CEP97: variants seen among roughly 807,000 people sequenced by gnomAD.
The protein encoded by CEP97 is centrosomal protein of 97 kDa.
In CEP97, 43 loss-of-function variants were observed where a neutral mutation model predicts 73.1. The ratio of observed to expected loss-of-function variants is 0.59; its 90% CI spans 0.46 to 0.76. The LOEUF (loss-of-function observed/expected upper bound fraction) is 0.76. Ranked by LOEUF, CEP97 falls within the 30% of genes least tolerant of loss-of-function variation. CEP97 has a pLI of 0.00. For synonymous variants in CEP97, 337 were observed against 370.0 expected (o/e 0.91, Z 1.02); for missense variants, 939 against 1,014.0 (o/e 0.93, Z 1.00).
chr3:101,728,744 G>A (rs1937987402), intron 3 of CEP97, 92 bp from the exon 4 acceptor site: 1 of 793,678 alleles, frequency 1.3e-6, no homozygotes, highest in Non-Finnish European at 2.2e-6. Context: ...ATAAGAGGAG[G>A]GAAGACACTC....
At chr3:101,748,790 G>A (rs1372720808) in intron 6 of CEP97, among the ~76,000 whole-genome samples, 1 of 152,114 alleles carries the variant, frequency 6.6e-6, no homozygotes, top group South Asian at 2.1e-4. Flanking sequence ...ACAGGTGCAT[G>A]CCACCACGCC....
intron 6 of CEP97, among the ~76,000 whole-genome samples, chr3:101,750,779 T>C (rs1183180060): frequency 6.6e-6 from 1 of 152,192 alleles, no homozygotes; most frequent in African/African-American, 2.4e-5. Context: ...CATTTTTTAT[T>C]GTGTCTATTT....
intron 6 of CEP97, among the ~76,000 whole-genome samples, chr3:101,739,047 A>T (rs1419346732): frequency 6.6e-6 from 1 of 152,238 alleles, no homozygotes; most frequent in Admixed American, 6.5e-5. Flanking sequence ...AAACACCTCT[A>T]CACAAATAAA....
intron 10 of CEP97, among the ~76,000 whole-genome samples, chr3:101,762,934 T>G (rs375227756): frequency 6.6e-6 from 1 of 152,174 alleles, no homozygotes; most frequent in South Asian, 2.1e-4. Context: ...GACTACAATA[T>G]GCATGTCCTA....
rs1303492260 is a variant in CEP97 at position 101,758,087 on chromosome 3, T to G, written c.1481T>G (p.Leu494Trp). ...GAGCCAACAATAATCAGTGCTATCT[T>G]GAAGGATGATAACCACAGTCTTACA... ...CPEPTIISAI[L>W]KDDNHSLTFF... Residue 494 changes from leucine to tryptophan, a missense_variant, in exon 9 of 11, where the codon TTG becomes TGG. Leu to Trp is a moderately conservative substitution (Grantham distance 61, BLOSUM62 -2). Coordinates refer to ENST00000341893, the MANE Select transcript of CEP97 (RefSeq NM_024548.4). The G allele has an allele frequency of 6.2e-7, 1 of 1,614,226 alleles. No individual in the cohort carries two copies. Among genetic ancestry groups the G allele is most frequent in the Admixed American group, 1.7e-5 (1 of 60,028 alleles).
chr3:101,746,329 G>T (rs1260889257), intron 6 of CEP97, among the ~76,000 whole-genome samples: 9 of 151,970 alleles, frequency 5.9e-5, no homozygotes, highest in African/African-American at 2.2e-4. Flanking sequence ...CCAAAACAGA[G>T]ATATAGATCA....
At chr3:101,733,382 C>T (rs574677018) in intron 6 of CEP97, among the ~76,000 whole-genome samples, 241 of 152,162 alleles carry the variant, frequency 1.6e-3, no homozygotes, top group Non-Finnish European at 2.4e-3. Flanking sequence ...TCATCCAGCT[C>T]CAAATGCCAT....
Position 101,731,972 on chromosome 3 carries a change from T to C in CEP97, c.561+19T>C. 1.4e-6 allele frequency: 2 copies of C among 1,391,364 alleles called. No homozygotes were observed. The highest frequency in any genetic ancestry group is 2.0e-6 in the Non-Finnish European group (2 of 978,092). 86.2% of individuals were successfully genotyped at this position (1,391,364 alleles called of 1,614,324 possible). ...AAATGAGGTAAAATTTGAGGGTATT[T>C]TGTGAGATTCAGGAAGCTGGAAATC... is the stretch of plus-strand genomic sequence containing the variant. On this transcript the variant is annotated intron_variant, in intron 5 of 10. Coordinates refer to ENST00000341893, the MANE Select transcript of CEP97 (RefSeq NM_024548.4).
chr3:101,762,489 C>A lies in CEP97; in HGVS notation c.1822C>A (p.Arg608=). The change falls in exon 10 of 11, where the codon CGA becomes AGA. Residue 608 remains arginine, a synonymous_variant. Transcript: ENST00000341893. ...ATGTGTTTTGAATTATTGTAGATTA[C>A]GAAAAGAAAGAGATGAAGAACGTAT... ...VCLTDEIRRL[R]KERDEERIKK... 1 of 1,599,896 alleles carries A rather than the reference C, an allele frequency of 6.3e-7. No homozygotes were observed. The highest frequency in any genetic ancestry group is 8.5e-7 in the Non-Finnish European group (1 of 1,170,610).
intron 6 of CEP97, among the ~76,000 whole-genome samples, chr3:101,747,133 A>G (rs6780844): frequency 0.98 from 146,975 of 149,694 alleles, 72,195 homozygotes; most frequent in African/African-American, 0.99. Flanking sequence ...ATTCCTCAGG[A>G]ATCTAGAACT....
At chr3:101,728,738 G>C in intron 3 of CEP97, 98 bp from the exon 4 acceptor site, 2 of 754,776 alleles carry the variant, frequency 2.6e-6, no homozygotes, top group Non-Finnish European at 4.6e-6. Flanking sequence ...CTAATAATAA[G>C]AGGAGGGAAG....
chr3:101,761,200 G>A (rs544949742), intron 9 of CEP97, among the ~76,000 whole-genome samples: 1 of 152,328 alleles, frequency 6.6e-6, no homozygotes, highest in South Asian at 2.1e-4. Context: ...AAAGGGAAGT[G>A]AAGGCAGGGG....
Position 101,739,898 on chromosome 3 carries a change from C to T in CEP97, c.728+7244C>T, listed in dbSNP as rs1318675173. On this transcript the variant is annotated intron_variant, in intron 6 of 10. Transcript: ENST00000341893. ...CCAACCTGGGTGACAGAGCAAGACA[C>T]CATCTAAAAAAAAAAAAAATCAGCA... 4.6e-5 allele frequency among the ~76,000 whole-genome samples: 6 copies of T among 131,378 alleles called. No individual in the cohort carries two copies. In the East Asian group the frequency reaches 1.1e-3, roughly 24 times the overall value. 86.2% of individuals were successfully genotyped at this position (131,378 alleles called of 152,430 possible). A position where few individuals can be genotyped will look rare whatever the true frequency, so the allele number is the denominator to read the frequency against.
At chr3:101,761,208 G>C (rs114270295) in intron 9 of CEP97, among the ~76,000 whole-genome samples, 44 of 152,270 alleles carry the variant, frequency 2.9e-4, no homozygotes, top group African/African-American at 9.4e-4. Flanking sequence ...GTGAAGGCAG[G>C]GGGGAAGGAT....
At chr3:101,729,368 C>T (rs970526589) in intron 4 of CEP97, among the ~76,000 whole-genome samples, 1 of 151,666 alleles carries the variant, frequency 6.6e-6, no homozygotes, top group Admixed American at 6.6e-5. Flanking sequence ...TGTTAGAATA[C>T]CAGAAATTAA....
intron 4 of CEP97, among the ~76,000 whole-genome samples, chr3:101,731,363 G>A (rs1393460830): frequency 6.6e-6 from 1 of 151,496 alleles, no homozygotes; most frequent in Non-Finnish European, 1.5e-5. Flanking sequence ...ATCATGCCTG[G>A]CTAATTTTTT....
chr3:101,762,752 A>G (rs141821216), intron 10 of CEP97, among the ~76,000 whole-genome samples, 192 bp downstream of exon 10: 4 of 152,226 alleles, frequency 2.6e-5, no homozygotes, highest in Admixed American at 6.5e-5. Context: ...GAAGAAAAAT[A>G]TTCTGACAAT....
intron 6 of CEP97, among the ~76,000 whole-genome samples, chr3:101,740,323 C>T (rs1025274448): frequency 6.6e-6 from 1 of 152,112 alleles, no homozygotes; most frequent in Non-Finnish European, 1.5e-5. Context: ...CATTCCTATA[C>T]AACATAATAG....
chr3:101,757,296 A>G (rs557327055), intron 8 of CEP97, 100 bp downstream of exon 8: 26 of 1,345,572 alleles, frequency 1.9e-5, no homozygotes, highest in African/African-American at 3.0e-5. Context: ...ATTTTTTGTT[A>G]GTTTACTAAC....
Sources: allele counts gnomAD v4.1 joint callset (sites outside exome capture counted in the v4.1 genomes callset), GRCh38; gene constraint gnomAD v4.1.1; transcripts MANE v1.5; gene names NCBI Gene and HGNC (gene_info 2026-07-23, HGNC 2026-07-21).